LRRTM4: variants seen among roughly 807,000 people sequenced by gnomAD.
LRRTM4 encodes the protein leucine-rich repeat transmembrane neuronal protein 4.
Under a neutral mutation model 47.6 loss-of-function variants are expected in LRRTM4, and 25 were observed. The observed-to-expected ratio is 0.53, with a 90% CI of 0.38 to 0.73. The LOEUF is 0.73. LRRTM4 is among the 30% of genes least tolerant of loss of function. The pLI is 0.00. For synonymous variants in LRRTM4, 311 were observed against 269.5 expected (o/e 1.15, Z -1.51); for missense variants, 638 against 713.4 (o/e 0.89, Z 1.20).
rs1573525925 is a variant in LRRTM4, at chr2:77,521,692, T to G, written c.-21A>C. 6.2e-7 allele frequency: 1 copy of G among 1,612,084 alleles called. No individual in the cohort carries two copies. The highest frequency in any genetic ancestry group is 8.5e-7 in the Non-Finnish European group (1 of 1,179,030). ...CCCATCCTTTGTCATCCAAAAACGT[T>G]TCCCCCCTCTCTCAGCTTTCTTCTT... On this transcript the variant is annotated 5_prime_UTR_variant, in exon 2 of 4. Transcript: ENST00000409884.
At chr2:76,984,507 A>G (rs1215337966) in intron 3 of LRRTM4, among the ~76,000 whole-genome samples, 1 of 151,950 alleles carries the variant, frequency 6.6e-6, no homozygotes, top group Non-Finnish European at 1.5e-5. Context: ...CATTTGGCCT[A>G]TGGGACTTAA....
chr2:77,072,169 T>G (rs1228624983), intron 3 of LRRTM4, among the ~76,000 whole-genome samples: 1 of 152,240 alleles, frequency 6.6e-6, no homozygotes, highest in African/African-American at 2.4e-5. Flanking sequence ...TCTATGGTGT[T>G]AATTTAAGAT....
At chr2:77,497,489 C>T (rs910485758) in intron 3 of LRRTM4, among the ~76,000 whole-genome samples, 2 of 151,074 alleles carry the variant, frequency 1.3e-5, no homozygotes, top group African/African-American at 4.8e-5. Context: ...TTATGGGACT[C>T]TACAATAAGA....
rs191645329 is a variant in LRRTM4, at chr2:76,945,323, A to C, written c.1552-196407T>G. 1.9e-3 allele frequency among the ~76,000 whole-genome samples: 291 copies of C among 152,170 alleles called. 3 individuals carry two copies. Among genetic ancestry groups the C allele is most frequent in the African/African-American group, 6.5e-3 (271 of 41,572 alleles). Reference sequence around the variant, plus strand: ...ATAGGATTTGCTTCAATGTATATTTATCGGTCTCAGAGTAACAACTTTTTC... The same window carrying C: ...ATAGGATTTGCTTCAATGTATATTTCTCGGTCTCAGAGTAACAACTTTTTC... On this transcript the variant is annotated intron_variant, in intron 3 of 3. Coordinates refer to ENST00000409884, the MANE Select transcript of LRRTM4 (RefSeq NM_001134745.3).
intron 3 of LRRTM4, among the ~76,000 whole-genome samples, chr2:77,290,508 T>C (rs903350207): frequency 1.3e-5 from 2 of 151,778 alleles, no homozygotes; most frequent in East Asian, 3.9e-4. Context: ...CAACTACAGT[T>C]AACAAAAAAT....
intron 3 of LRRTM4, among the ~76,000 whole-genome samples, chr2:77,490,124 C>T (rs1280680728): frequency 1.3e-5 from 2 of 151,966 alleles, no homozygotes; most frequent in Non-Finnish European, 2.9e-5. Context: ...GTGGCAGGTG[C>T]CTGTAATTCC....
At chr2:77,488,799 G>A (rs1482028549) in intron 3 of LRRTM4, among the ~76,000 whole-genome samples, 1 of 151,954 alleles carries the variant, frequency 6.6e-6, no homozygotes, top group Non-Finnish European at 1.5e-5. Context: ...ACTACAAAGA[G>A]TCTCACATGA....
intron 3 of LRRTM4, among the ~76,000 whole-genome samples, chr2:76,979,297 CT>C (rs1676517403): frequency 6.6e-6 from 1 of 151,960 alleles, no homozygotes; most frequent in Non-Finnish European, 1.5e-5. Context: ...TTTCACCTCA[CT>C]TCTGCCTGCA....
At position 77,070,965 on chromosome 2, in the gene LRRTM4, T is replaced by C. The variant is rs569955566; in HGVS notation, c.1552-322049A>G. Among the ~76,000 whole-genome samples the C allele has an allele frequency of 4.6e-5, 7 of 152,298 alleles. No individual in the cohort carries two copies. The East Asian group carries it at 1.4e-3, about 29-fold the overall frequency. On this transcript the variant is annotated intron_variant, in intron 3 of 3. Transcript: ENST00000409884. ...AATTTTAAAATTAAATGGCTGTTTC[T>C]TTCAGAATATTGACATTTGAATCCC...
At chr2:77,256,666 C>T (rs1028713386) in intron 3 of LRRTM4, among the ~76,000 whole-genome samples, 9 of 152,228 alleles carry the variant, frequency 5.9e-5, no homozygotes, top group Non-Finnish European at 1.3e-4. Context: ...GTGAGGCCTC[C>T]CGGCCATGTG....
intron 3 of LRRTM4, among the ~76,000 whole-genome samples, chr2:76,792,336 C>T (rs912153786): frequency 6.6e-6 from 1 of 152,046 alleles, no homozygotes; most frequent in African/African-American, 2.4e-5. Context: ...TACCAACCCC[C>T]AGAGACCAGG....
chr2:76,939,165 G>C (rs1675052742), intron 3 of LRRTM4, among the ~76,000 whole-genome samples: 1 of 152,058 alleles, frequency 6.6e-6, no homozygotes, highest in African/African-American at 2.4e-5. Context: ...AAAAAAAATG[G>C]TGATTGTATT....
At chr2:76,977,802 C>T (rs550774500) in intron 3 of LRRTM4, among the ~76,000 whole-genome samples, 4 of 152,020 alleles carry the variant, frequency 2.6e-5, no homozygotes, top group East Asian at 3.9e-4. Flanking sequence ...GTAGATTTTT[C>T]GTTGTCGTTG....
At chr2:77,159,334 A>G (rs979217187) in intron 3 of LRRTM4, among the ~76,000 whole-genome samples, 1 of 152,136 alleles carries the variant, frequency 6.6e-6, no homozygotes, top group African/African-American at 2.4e-5. Context: ...TTTTCAACAC[A>G]GTAAGCTGTA....
At chr2:77,482,746 A>T (rs1432581251) in intron 3 of LRRTM4, among the ~76,000 whole-genome samples, 6 of 152,186 alleles carry the variant, frequency 3.9e-5, no homozygotes, top group South Asian at 2.1e-4. Context: ...TATTTCATTT[A>T]TTAGGTAAGC....
At chr2:76,799,998 A>C (rs1180448378) in intron 3 of LRRTM4, among the ~76,000 whole-genome samples, 1 of 151,810 alleles carries the variant, frequency 6.6e-6, no homozygotes, top group African/African-American at 2.4e-5. Context: ...GGGTAGGAAG[A>C]ATCAATATCG....
At chr2:77,166,514 A>G (rs1279366397) in intron 3 of LRRTM4, among the ~76,000 whole-genome samples, 1 of 152,202 alleles carries the variant, frequency 6.6e-6, no homozygotes. Context: ...ACTAAGCCAC[A>G]AGAACAAAGC....
At chr2:76,924,714 G>C (rs1674534590) in intron 3 of LRRTM4, among the ~76,000 whole-genome samples, 1 of 151,918 alleles carries the variant, frequency 6.6e-6, no homozygotes, top group Non-Finnish European at 1.5e-5. Flanking sequence ...GCTGAATGCA[G>C]AAAATTGCAC....
intron 3 of LRRTM4, among the ~76,000 whole-genome samples, chr2:77,045,857 CATA>C (rs966787520): frequency 2.2e-4 from 34 of 151,896 alleles, no homozygotes; most frequent in Admixed American, 1.4e-3. Context: ...ATATCCAGCC[CATA>C]ATCAAATTTT....
Sources: allele counts gnomAD v4.1 joint callset (sites outside exome capture counted in the v4.1 genomes callset), GRCh38; gene constraint gnomAD v4.1.1; transcripts MANE v1.5; gene names NCBI Gene and HGNC (gene_info 2026-07-23, HGNC 2026-07-21).